Variants in MDGA2 observed in about 807,000 individuals in gnomAD.
The protein encoded by MDGA2 is MAM domain-containing glycosylphosphatidylinositol anchor protein 2.
In MDGA2, 40 loss-of-function variants were observed where a neutral mutation model predicts 117.8. The observed-to-expected ratio is 0.34, with a 90% CI of 0.26 to 0.44. MDGA2 has a LOEUF of 0.44. MDGA2 is among the 20% of genes least tolerant of loss of function. The pLI is 1.00. For missense variants in MDGA2, 1,123 were observed against 1,250.6 expected, an observed-to-expected ratio of 0.90 and a Z score of 1.54; for synonymous variants, 452 against 439.0, an observed-to-expected ratio of 1.03 and a Z score of -0.37.
chr14:47,091,221 T>C (rs1450289421), intron 6 of MDGA2, among the ~76,000 whole-genome samples: 1 of 152,136 alleles, frequency 6.6e-6, no homozygotes, highest in Non-Finnish European at 1.5e-5. Context: ...TATGAGCTGA[T>C]GAACTTAAAA....
intron 15 of MDGA2, among the ~76,000 whole-genome samples, chr14:46,846,455 T>G (rs1044265428): frequency 3.3e-5 from 5 of 152,122 alleles, no homozygotes; most frequent in African/African-American, 1.2e-4. Flanking sequence ...TTTTTTAAAC[T>G]TGAAGATATG....
chr14:47,668,600 T>C (rs1898019729), intron 1 of MDGA2, among the ~76,000 whole-genome samples: 6 of 152,264 alleles, frequency 3.9e-5, no homozygotes. Context: ...TATTGTTTGC[T>C]CTAAGTAATA....
At chr14:47,019,116 C>A (rs950519859) in intron 8 of MDGA2, among the ~76,000 whole-genome samples, 1 of 152,054 alleles carries the variant, frequency 6.6e-6, no homozygotes, top group African/African-American at 2.4e-5. Flanking sequence ...TGACTGAATT[C>A]CTCACAGCTT....
intron 2 of MDGA2, among the ~76,000 whole-genome samples, chr14:47,251,008 C>T (rs947001129): frequency 6.6e-6 from 1 of 152,120 alleles, no homozygotes; most frequent in Admixed American, 6.5e-5. Context: ...CTTTCTTCCC[C>T]TGTGGTCTAT....
intron 15 of MDGA2, among the ~76,000 whole-genome samples, chr14:46,853,912 A>G (rs1566491741): frequency 6.6e-6 from 1 of 151,772 alleles, no homozygotes. Context: ...GTTGTCATTC[A>G]TTTTCACAAT....
chr14:47,625,750 G>A (rs1159839754), intron 1 of MDGA2, among the ~76,000 whole-genome samples: 1 of 152,030 alleles, frequency 6.6e-6, no homozygotes, highest in African/African-American at 2.4e-5. Context: ...TATTTCTCAG[G>A]ACTAACAAAG....
At chr14:47,056,035 T>C (rs1046424160) in intron 7 of MDGA2, among the ~76,000 whole-genome samples, 1 of 152,144 alleles carries the variant, frequency 6.6e-6, no homozygotes, top group African/African-American at 2.4e-5. Context: ...CTTCCTCTGA[T>C]CAAAGCTCTG....
intron 10 of MDGA2, among the ~76,000 whole-genome samples, chr14:46,893,763 A>G (rs554403827): frequency 1.3e-5 from 2 of 152,222 alleles, no homozygotes; most frequent in African/African-American, 4.8e-5. Context: ...ATGTAATCAT[A>G]GAGATTGAGC....
intron 1 of MDGA2, among the ~76,000 whole-genome samples, chr14:47,541,689 T>C (rs1277930697): frequency 6.6e-6 from 1 of 152,220 alleles, no homozygotes; most frequent in African/African-American, 2.4e-5. Context: ...TACCTCTTAA[T>C]CGCTCTGAGA....
intron 6 of MDGA2, among the ~76,000 whole-genome samples, chr14:47,065,990 A>C (rs1275070338): frequency 6.6e-6 from 1 of 152,224 alleles, no homozygotes; most frequent in African/African-American, 2.4e-5. Flanking sequence ...TTTCCTATTT[A>C]TTCTTTGCTG....
intron 1 of MDGA2, among the ~76,000 whole-genome samples, chr14:47,573,544 C>T (rs767757254): frequency 1.6e-4 from 24 of 152,260 alleles, no homozygotes; most frequent in South Asian, 4.1e-4. Flanking sequence ...ATCTTTCTCA[C>T]GCTCAGTTTC....
intron 1 of MDGA2, among the ~76,000 whole-genome samples, chr14:47,354,307 A>G (rs1389492528): frequency 6.6e-6 from 1 of 152,156 alleles, no homozygotes; most frequent in Non-Finnish European, 1.5e-5. Context: ...TTTGGGGTAC[A>G]CACTGTGAAA....
intron 8 of MDGA2, among the ~76,000 whole-genome samples, chr14:46,994,568 A>G (rs914575307): frequency 2.0e-5 from 3 of 152,074 alleles, no homozygotes; most frequent in Admixed American, 2.0e-4. Context: ...ACATAAACAC[A>G]GAAACTCAGT....
intron 9 of MDGA2, among the ~76,000 whole-genome samples, chr14:46,944,107 C>T (rs1303641705): frequency 1.3e-5 from 2 of 151,946 alleles, no homozygotes; most frequent in Non-Finnish European, 2.9e-5. Context: ...TCACTGATAG[C>T]CTTTCCCTTA....
At chr14:47,382,705 C>T (rs1053091436) in intron 1 of MDGA2, among the ~76,000 whole-genome samples, 1 of 152,190 alleles carries the variant, frequency 6.6e-6, no homozygotes, top group Admixed American at 6.5e-5. Context: ...CAGGAAACAA[C>T]AGGTGCTGGA....
chr14:46,887,893 G>A (rs1882732320), intron 10 of MDGA2, among the ~76,000 whole-genome samples: 1 of 151,850 alleles, frequency 6.6e-6, no homozygotes, highest in South Asian at 2.1e-4. Context: ...AAAGACACAA[G>A]TTTAATCAAG....
At chr14:47,201,981 C>T (rs897471682) in intron 3 of MDGA2, among the ~76,000 whole-genome samples, 1 of 152,022 alleles carries the variant, frequency 6.6e-6, no homozygotes, top group African/African-American at 2.4e-5. Context: ...AGTAGAGTAC[C>T]AGTAGTATTA....
chr14:46,985,424 A>T (rs1307881770), intron 8 of MDGA2, among the ~76,000 whole-genome samples: 1 of 152,040 alleles, frequency 6.6e-6, no homozygotes, highest in African/African-American at 2.4e-5. Context: ...ACACATTTAT[A>T]TGTAATCATA....
chr14:47,254,274 T>A (rs1262217722), intron 2 of MDGA2, among the ~76,000 whole-genome samples: 1 of 152,194 alleles, frequency 6.6e-6, no homozygotes, highest in East Asian at 1.9e-4. Context: ...TGGTTTTTAT[T>A]TTCTATCACA....
Sources: allele counts gnomAD v4.1 joint callset (sites outside exome capture counted in the v4.1 genomes callset), GRCh38; gene constraint gnomAD v4.1.1; transcripts MANE v1.5; gene names NCBI Gene and HGNC (gene_info 2026-07-23, HGNC 2026-07-21).